MID1: variants seen among roughly 807,000 people sequenced by gnomAD.
MID1 encodes the protein midline 1, also known as E3 ubiquitin-protein ligase Midline-1.
In MID1, 7 loss-of-function variants were observed where a neutral mutation model predicts 40.4. The observed-to-expected ratio is 0.17, with a 90% confidence interval of 0.10 to 0.33. The LOEUF (loss-of-function observed/expected upper bound fraction) is 0.33. MID1 is among the 10% of genes least tolerant of loss of function. The probability of loss-of-function intolerance (pLI) is 1.00; values close to 1 mark genes in which losing one functional copy is unlikely to be tolerated. For missense variants in MID1, 367 were observed against 558.5 expected, an observed-to-expected ratio of 0.66 and a Z score of 3.46; for synonymous variants, 229 against 221.2, an observed-to-expected ratio of 1.04 and a Z score of -0.31.
At chrX:10,558,893 ACT>A (rs1479712848) in intron 2 of MID1, among the ~76,000 whole-genome samples, 1 of 112,124 alleles carries the variant, frequency 8.9e-6, no homozygotes, top group Non-Finnish European at 1.9e-5. Flanking sequence ...CATTTTTCGA[ACT>A]CTCTGAGCTT....
intron 1 of MID1, among the ~76,000 whole-genome samples, chrX:10,643,627 C>T (rs1936228391): frequency 9.0e-6 from 1 of 111,371 alleles, no homozygotes; most frequent in African/African-American, 3.3e-5. Context: ...ACTAGAAATA[C>T]CATTTGACCC....
chrX:10,798,479 AC>A (rs1212656370), intron 1 of MID1, among the ~76,000 whole-genome samples: 1 of 111,694 alleles, frequency 9.0e-6, no homozygotes, highest in Non-Finnish European at 1.9e-5. Context: ...TCAAGTCTCT[AC>A]CCAGTTTTGT....
intron 1 of MID1, among the ~76,000 whole-genome samples, chrX:10,824,782 T>C (rs1331017274): frequency 1.8e-5 from 2 of 111,589 alleles, no homozygotes; most frequent in Non-Finnish European, 1.9e-5. Flanking sequence ...CTTTTTTTTT[T>C]CAGATAACAG....
At chrX:10,624,855 C>T (rs1308477857), upstream of MID1, among the ~76,000 whole-genome samples, 1 of 111,213 alleles carries the variant, frequency 9.0e-6, no homozygotes. Flanking sequence ...CTCAAGTGAT[C>T]CTCCTGCTTC....
intron 1 of MID1, among the ~76,000 whole-genome samples, chrX:10,591,970 A>G (rs1324885802): frequency 5.4e-5 from 6 of 110,822 alleles, no homozygotes. Context: ...TTACAACAAT[A>G]TGATGGATAT....
At chrX:10,705,588 AAG>A (rs766690082) in intron 1 of MID1, among the ~76,000 whole-genome samples, 5 of 112,325 alleles carry the variant, frequency 4.5e-5, no homozygotes, top group Non-Finnish European at 7.5e-5. Flanking sequence ...GTAATAATAA[AAG>A]AATATTTATT....
intron 1 of MID1, among the ~76,000 whole-genome samples, chrX:10,638,768 C>T (rs1453641024): frequency 8.9e-6 from 1 of 112,102 alleles, no homozygotes; most frequent in African/African-American, 3.2e-5. Context: ...TAAGGGCCAA[C>T]TGACACCTCA....
chrX:10,502,588 G>A (rs149424537), intron 3 of MID1, among the ~76,000 whole-genome samples: 30 of 111,692 alleles, frequency 2.7e-4, no homozygotes, highest in African/African-American at 9.8e-4. Flanking sequence ...TCTTGAAATT[G>A]CACCATCAAA....
At chrX:10,588,963 T>A (rs1935204333) in intron 1 of MID1, among the ~76,000 whole-genome samples, 2 of 111,644 alleles carry the variant, frequency 1.8e-5, no homozygotes, top group Admixed American at 9.5e-5. Flanking sequence ...CTTCCTTAAA[T>A]CCTTTCTTGA....
chrX:10,756,582 A>T (rs2043634123), intron 1 of MID1, among the ~76,000 whole-genome samples: 2 of 111,789 alleles, frequency 1.8e-5, no homozygotes, highest in African/African-American at 6.5e-5. Context: ...CACACACACA[A>T]GCTCGGGTCA....
At chrX:10,662,658 C>T (rs763678185) in intron 1 of MID1, among the ~76,000 whole-genome samples, 2 of 111,987 alleles carry the variant, frequency 1.8e-5, no homozygotes, top group African/African-American at 6.5e-5. Flanking sequence ...ATAATATATA[C>T]TGCTGATTGT....
intron 2 of MID1, among the ~76,000 whole-genome samples, chrX:10,555,654 G>A (rs188033121): frequency 1.3e-3 from 140 of 110,178 alleles, no homozygotes; most frequent in African/African-American, 4.4e-3. Flanking sequence ...AGCAGGATCT[G>A]ATAAAGCAGA....
chrX:10,700,603 C>T (rs746482758), intron 1 of MID1, among the ~76,000 whole-genome samples: 1 of 112,158 alleles, frequency 8.9e-6, no homozygotes, highest in East Asian at 2.8e-4. Flanking sequence ...CCAAAAAGTT[C>T]TTTACATTTA....
chrX:10,572,227 T>C (rs1276897524), intron 1 of MID1, among the ~76,000 whole-genome samples: 1 of 108,199 alleles, frequency 9.2e-6, no homozygotes, highest in East Asian at 2.9e-4. Flanking sequence ...CACATATATA[T>C]ATAGCTTACA....
chrX:10,476,002 G>T (rs1297093627), intron 5 of MID1, among the ~76,000 whole-genome samples: 2 of 111,177 alleles, frequency 1.8e-5, no homozygotes, highest in Admixed American at 1.9e-4. Context: ...ACATCTGTGG[G>T]TATATATCTA....
intron 1 of MID1, among the ~76,000 whole-genome samples, chrX:10,778,496 T>C (rs1167883595): frequency 8.9e-6 from 1 of 112,464 alleles, no homozygotes; most frequent in East Asian, 2.7e-4. Context: ...TTCTCTTCCC[T>C]ACATTACCTT....
chrX:10,805,331 T>G (rs1421643869), intron 1 of MID1, among the ~76,000 whole-genome samples: 1 of 103,708 alleles, frequency 9.6e-6, no homozygotes, highest in African/African-American at 3.5e-5. Flanking sequence ...TTTGGTTTTT[T>G]GTTCTTGCGA....
chrX:10,600,920 G>A (rs1489828645), intron 1 of MID1, among the ~76,000 whole-genome samples: 2 of 111,029 alleles, frequency 1.8e-5, no homozygotes, highest in African/African-American at 6.6e-5. Context: ...GCAGCCAAGC[G>A]CAATGAAAAA....
intron 1 of MID1, among the ~76,000 whole-genome samples, chrX:10,742,752 T>A (rs970729905): frequency 4.4e-5 from 5 of 112,488 alleles, no homozygotes; most frequent in African/African-American, 6.4e-5. Flanking sequence ...AAATATCCAG[T>A]CATTGGAGCA....
Sources: allele counts gnomAD v4.1 joint callset (sites outside exome capture counted in the v4.1 genomes callset), GRCh38; gene constraint gnomAD v4.1.1; transcripts MANE v1.5; gene names NCBI Gene and HGNC (gene_info 2026-07-23, HGNC 2026-07-21).